The following MMP26 variants were observed in gnomAD, a reference collection of about 807,000 sequenced individuals.
The protein encoded by MMP26 is matrix metallopeptidase 26.
Under a neutral mutation model 31.0 loss-of-function variants are expected in MMP26, and 33 were observed. The observed-to-expected ratio is 1.06, with a 90% CI of 0.81 to 1.42. The LOEUF is 1.42. MMP26 is among the 40% of genes most tolerant of loss of function. MMP26 has a pLI of 0.00. For missense variants in MMP26, 347 were observed against 316.1 expected (o/e 1.10, Z -0.74); for synonymous variants, 122 against 114.9 (o/e 1.06, Z -0.40).
At chr11:4,770,590 A>C (rs561912354) in intron 2 of MMP26, among the ~76,000 whole-genome samples, 29 of 152,228 alleles carry the variant, frequency 1.9e-4, no homozygotes, top group Non-Finnish European at 3.5e-4. Flanking sequence ...TCATGCCTGT[A>C]ATCCCAGCAC....
At chr11:4,807,019 A>T (rs1849279762) in intron 2 of MMP26, among the ~76,000 whole-genome samples, 1 of 152,178 alleles carries the variant, frequency 6.6e-6, no homozygotes, top group South Asian at 2.1e-4. Flanking sequence ...GAGGCAATAT[A>T]AGGGGTGCTG....
chr11:4,911,135 C>T (rs1353384470), intron 2 of MMP26, among the ~76,000 whole-genome samples: 1 of 152,154 alleles, frequency 6.6e-6, no homozygotes, highest in Non-Finnish European at 1.5e-5. Context: ...TTGAGACACC[C>T]TCCTTCTCTC....
At position 4,819,218 on chromosome 11, in the gene MMP26, A is replaced by G. The variant is rs192415980; in HGVS notation, c.-145+51877A>G. On this transcript the variant is annotated intron_variant, in intron 2 of 7. Transcript: ENST00000380390. ...CCAGAATAAAGTTTTATCTTCAGAC[A>G]TGGAACCTAAACACCAAAACTGGTT... Among the ~76,000 whole-genome samples the G allele has an allele frequency of 4.6e-5, 7 of 152,350 alleles. No homozygotes were observed. In the East Asian group the frequency reaches 1.2e-3, roughly 25 times the overall value.
chr11:4,916,162 A>C (rs972939072), intron 2 of MMP26, among the ~76,000 whole-genome samples: 27 of 151,606 alleles, frequency 1.8e-4, no homozygotes, highest in Non-Finnish European at 3.4e-4. Context: ...ACTAAAAAAA[A>C]AAAATGGTGT....
At chr11:4,898,564 G>A (rs1054428129) in intron 2 of MMP26, among the ~76,000 whole-genome samples, 2 of 152,000 alleles carry the variant, frequency 1.3e-5, no homozygotes, top group Admixed American at 1.3e-4. Context: ...GGGGATTAAT[G>A]TATTTAATAT....
chr11:4,933,322 A>G (rs889749328), intron 2 of MMP26, among the ~76,000 whole-genome samples: 3 of 152,134 alleles, frequency 2.0e-5, no homozygotes, highest in African/African-American at 4.8e-5. Context: ...GGTATGAAGT[A>G]GTAAAAAGGC....
At chr11:4,885,613 C>T (rs139238256) in intron 2 of MMP26, among the ~76,000 whole-genome samples, 135 of 152,072 alleles carry the variant, frequency 8.9e-4, no homozygotes, top group African/African-American at 3.1e-3. Flanking sequence ...ATGATAGTCA[C>T]GCAATGATGC....
At chr11:4,921,494 CTG>C (rs1851184128) in intron 2 of MMP26, among the ~76,000 whole-genome samples, 1 of 152,234 alleles carries the variant, frequency 6.6e-6, no homozygotes, top group Admixed American at 6.5e-5. Flanking sequence ...TATGGAAACA[CTG>C]TACTAAGAAA....
chr11:4,812,920 T>C (rs1209413928), intron 2 of MMP26, among the ~76,000 whole-genome samples: 2 of 152,048 alleles, frequency 1.3e-5, no homozygotes, highest in Non-Finnish European at 2.9e-5. Flanking sequence ...TTTGGCATAG[T>C]AAATTTGGCA....
intron 2 of MMP26, among the ~76,000 whole-genome samples, chr11:4,839,828 C>T (rs1205443372): frequency 6.6e-6 from 1 of 151,790 alleles, no homozygotes. Flanking sequence ...CTTTCTCTTG[C>T]ACCGTAGGTA....
intron 1 of MMP26, chr11:4,752,387 T>C (rs1223512296): frequency 2.6e-5 from 4 of 152,508 alleles, no homozygotes; most frequent in African/African-American, 9.7e-5. Flanking sequence ...TTAATCGTAG[T>C]GCACTGTTGA....
At position 4,989,809 on chromosome 11, in the gene MMP26, G is replaced by C. The variant is rs781303024; in HGVS notation, c.261G>C (p.Gly87=). ...LHQPHCGVPD[G]SDTSISPGRC... ...AGCCCCACTGTGGGGTGCCTGATGG[G>C]TCCGACACCTCCATCTCGCCAGGAA... The change falls in exon 4 of 8, where the codon GGG becomes GGC. Residue 87 remains glycine, a synonymous_variant. Transcript: ENST00000380390. 1 of 1,613,460 alleles carries C rather than the reference G, an allele frequency of 6.2e-7. No individual in the cohort carries two copies. The highest frequency in any genetic ancestry group is 8.5e-7 in the Non-Finnish European group (1 of 1,180,014).
intron 2 of MMP26, among the ~76,000 whole-genome samples, chr11:4,904,930 G>A (rs769071256): frequency 1.3e-5 from 2 of 152,110 alleles, no homozygotes; most frequent in African/African-American, 2.4e-5. Context: ...AGTAGTCAAT[G>A]TGCATGGTAG....
chr11:4,849,367 C>A (rs1488440332), intron 2 of MMP26: 4 of 690,178 alleles, frequency 5.8e-6, no homozygotes, highest in African/African-American at 1.8e-5. Context: ...CATTTCCTCC[C>A]TGTGCACGCA....
At chr11:4,888,224 A>G (rs1850569391) in intron 2 of MMP26, among the ~76,000 whole-genome samples, 1 of 152,130 alleles carries the variant, frequency 6.6e-6, no homozygotes, top group Non-Finnish European at 1.5e-5. Flanking sequence ...TATGTTTTAT[A>G]CCTTTGTCTA....
Position 4,915,325 on chromosome 11 carries a change from G to T in MMP26, c.-144-72743G>T, listed in dbSNP as rs151139320. On this transcript the variant is annotated intron_variant, in intron 2 of 7. Coordinates refer to ENST00000380390, the MANE Select transcript of MMP26 (RefSeq NM_021801.5). ...ACAGTAGCACAGAGGACTCGAGGAA[G>T]GAGAAGCAGTGAATGAAAAAGAGCT... The T allele has an allele frequency of 7.6e-5, 123 of 1,613,980 alleles. No homozygotes were observed. In the African/African-American group the frequency reaches 1.3e-3, roughly 17 times the overall value.
At chr11:4,803,883 C>T in intron 2 of MMP26, 3 of 1,612,810 alleles carry the variant, frequency 1.9e-6, no homozygotes, top group Non-Finnish European at 2.5e-6. Context: ...GCATCCTAGA[C>T]ACCATGAAGC....
chr11:4,772,061 A>G (rs576101269), intron 2 of MMP26, among the ~76,000 whole-genome samples: 1 of 152,318 alleles, frequency 6.6e-6, no homozygotes, highest in African/African-American at 2.4e-5. Context: ...ATAGTAAGGT[A>G]GAATTGAGCT....
chr11:4,770,485 A>T (rs1848701630), intron 2 of MMP26, among the ~76,000 whole-genome samples: 1 of 152,164 alleles, frequency 6.6e-6, no homozygotes, highest in South Asian at 2.1e-4. Context: ...TGAGGACAGA[A>T]CTCTCCAGAA....
Sources: allele counts gnomAD v4.1 joint callset (sites outside exome capture counted in the v4.1 genomes callset), GRCh38; gene constraint gnomAD v4.1.1; transcripts MANE v1.5; gene names NCBI Gene and HGNC (gene_info 2026-07-23, HGNC 2026-07-21).